NUDT5: variants seen among roughly 807,000 people sequenced by gnomAD.
NUDT5 encodes the protein nudix hydrolase 5.
NUDT5 carries 21 observed loss-of-function variants against 34.1 expected under a neutral mutation model. The ratio of observed to expected loss-of-function variants is 0.62; its 90% CI spans 0.44 to 0.89. The LOEUF is 0.89. Ranked by LOEUF, NUDT5 falls within the 40% of genes least tolerant of loss-of-function variation. The pLI is 0.00. For missense variants in NUDT5, 249 were observed against 274.8 expected, an observed-to-expected ratio of 0.91 and a Z score of 0.66; for synonymous variants, 85 against 97.6, an observed-to-expected ratio of 0.87 and a Z score of 0.76.
chr10:12,177,052 G>A (rs1834962163), intron 5 of NUDT5, among the ~76,000 whole-genome samples: 1 of 151,606 alleles, frequency 6.6e-6, no homozygotes. Flanking sequence ...AACCCAGGAG[G>A]CGGAGGTTGC....
intron 1 of NUDT5, among the ~76,000 whole-genome samples, chr10:12,191,437 A>ACC (rs1835229394): frequency 7.7e-6 from 1 of 129,210 alleles, no homozygotes; most frequent in Non-Finnish European, 1.7e-5. Context: ...CCACCACCAC[A>ACC]AAACTCCCAA....
In NUDT5 at chr10:12,179,033, A is replaced by G. The variant is rs781026077; in HGVS notation, c.181+50T>C. ...TTCCATTGAAAACCCTCTTACGATC[A>G]CAAGTGCTAACTTCCTTTCTAAAGG... On this transcript the variant is annotated intron_variant, in intron 4 of 9. Coordinates refer to ENST00000491614, the MANE Select transcript of NUDT5 (RefSeq NM_014142.4). The G allele has an allele frequency of 1.6e-5, 24 of 1,485,146 alleles. No individual in the cohort carries two copies. In the South Asian group the frequency reaches 2.5e-4, roughly 15 times the overall value. 92.0% of individuals were successfully genotyped at this position (1,485,146 alleles called of 1,614,324 possible). A position where few individuals can be genotyped will look rare whatever the true frequency, so the allele number is the denominator to read the frequency against.
intron 5 of NUDT5, among the ~76,000 whole-genome samples, chr10:12,177,518 CACAAA>C (rs1166041555): frequency 6.6e-6 from 1 of 152,186 alleles, no homozygotes; most frequent in Non-Finnish European, 1.5e-5. Flanking sequence ...GACTCCGTCT[CACAAA>C]ACAAAACAAA....
chr10:12,186,927 T>G (rs1835140431), intron 1 of NUDT5, among the ~76,000 whole-genome samples: 1 of 151,540 alleles, frequency 6.6e-6, no homozygotes, highest in Non-Finnish European at 1.5e-5. Flanking sequence ...GCGCCCAGCC[T>G]GATTTTTCTG....
chr10:12,190,767 C>A (rs561214817), intron 1 of NUDT5, among the ~76,000 whole-genome samples: 1 of 151,828 alleles, frequency 6.6e-6, no homozygotes, highest in South Asian at 2.1e-4. Flanking sequence ...TACCACCACA[C>A]CCGGCTGATT....
intron 3 of NUDT5, among the ~76,000 whole-genome samples, chr10:12,183,423 G>A (rs1835075571): frequency 6.6e-6 from 1 of 152,144 alleles, no homozygotes. Flanking sequence ...CTTATTAAGG[G>A]CTTTGCTAGT....
At position 12,173,318 on chromosome 10, in the gene NUDT5, C is replaced by T. The variant is rs1213856995; in HGVS notation, c.385+400G>A. ...ACCTCTGCCTCCTGGGTTCAATTCT[C>T]CTGCCTCAGCCTCCCGAGTAGCTGG... On this transcript the variant is annotated intron_variant, in intron 6 of 9. Transcript: ENST00000491614. This position sits in a 1 kb window ranked among gnomAD's most constrained non-coding sequence, Gnocchi z 4.7. Among the ~76,000 whole-genome samples, 3 of 152,140 alleles carry T rather than the reference C, an allele frequency of 2.0e-5. No individual in the cohort carries two copies. The highest frequency in any genetic ancestry group is 4.4e-5 in the Non-Finnish European group (3 of 68,020).
intron 1 of NUDT5, among the ~76,000 whole-genome samples, chr10:12,189,177 C>G (rs900935253): frequency 2.6e-5 from 4 of 152,176 alleles, no homozygotes; most frequent in Non-Finnish European, 4.4e-5. Context: ...ATGATCTCGG[C>G]TCACTGCAAC....
chr10:12,178,557 G>T (rs185377738), intron 4 of NUDT5, among the ~76,000 whole-genome samples: 1 of 152,164 alleles, frequency 6.6e-6, no homozygotes, highest in Non-Finnish European at 1.5e-5. Flanking sequence ...AATAAGAAAA[G>T]CCTAGTGCCC....
At chr10:12,177,127 A>G (rs1834963372) in intron 5 of NUDT5, among the ~76,000 whole-genome samples, 1 of 151,528 alleles carries the variant, frequency 6.6e-6, no homozygotes, top group African/African-American at 2.4e-5. Context: ...ATCTCAAAAA[A>G]AAAAAAAGCC....
At chr10:12,190,064 T>C (rs1291483536) in intron 1 of NUDT5, among the ~76,000 whole-genome samples, 1 of 152,180 alleles carries the variant, frequency 6.6e-6, no homozygotes, top group Non-Finnish European at 1.5e-5. Flanking sequence ...TGATTAATTT[T>C]TTGTATTTTT....
intron 5 of NUDT5, among the ~76,000 whole-genome samples, chr10:12,174,703 C>T (rs534168169): frequency 1.2e-4 from 18 of 152,364 alleles, no homozygotes; most frequent in South Asian, 4.1e-4. Flanking sequence ...ACCATCTCCA[C>T]GCTGCTCTGC....
chr10:12,189,388 GA>G (rs1191909481), intron 1 of NUDT5, among the ~76,000 whole-genome samples: 1 of 152,166 alleles, frequency 6.6e-6, no homozygotes, highest in Non-Finnish European at 1.5e-5. Context: ...TTACAGGCGT[GA>G]ACCACCGTGC....
At chr10:12,179,344 C>T (rs1192625774) in intron 3 of NUDT5, among the ~76,000 whole-genome samples, 1 of 152,166 alleles carries the variant, frequency 6.6e-6, no homozygotes, top group Admixed American at 6.5e-5. Flanking sequence ...CTCTTGCCAC[C>T]CTACACCTCA....
rs990629165 is a variant in NUDT5, at chr10:12,171,436, A to G, written c.488-528T>C. Among the ~76,000 whole-genome samples the G allele has an allele frequency of 6.6e-6, 1 of 152,164 alleles. No homozygotes were observed. The highest frequency in any genetic ancestry group is 1.5e-5 in the Non-Finnish European group (1 of 68,032). ...CATGTTATCGCATGTTTCAGCGTGTATGTGTGTTTGTGTGTATACCACACT... is the reference window on the plus strand; with the variant it reads ...CATGTTATCGCATGTTTCAGCGTGTGTGTGTGTTTGTGTGTATACCACACT... On this transcript the variant is annotated intron_variant, in intron 7 of 9. Coordinates refer to ENST00000491614, the MANE Select transcript of NUDT5 (RefSeq NM_014142.4). This position sits in a 1 kb window ranked among gnomAD's most constrained non-coding sequence, Gnocchi z 4.2.
At chr10:12,176,627 C>T (rs1997000) in intron 5 of NUDT5, among the ~76,000 whole-genome samples, 64,387 of 151,906 alleles carry the variant, frequency 0.42, 14,906 homozygotes, top group Middle Eastern at 0.56. Context: ...AAAACGTATA[C>T]CACTAATAAC....
At position 12,169,449 on chromosome 10, in the gene NUDT5, C is replaced by G; in HGVS notation, c.550+1268G>C. ...AAAAAGCCGAGAGAGGCTACAGAAC[C>G]TGTTTGATGTGATAGCTAATTATGG... On this transcript the variant is annotated intron_variant, in intron 9 of 9. Transcript: ENST00000491614. This position sits in a 1 kb window ranked among gnomAD's most constrained non-coding sequence, Gnocchi z 4.8. The G allele has an allele frequency of 2.9e-6, 2 of 680,164 alleles. No individual in the cohort carries two copies. Among genetic ancestry groups the G allele is most frequent in the Non-Finnish European group, 2.4e-6 (1 of 412,120 alleles). 42.1% of individuals were successfully genotyped at this position (680,164 alleles called of 1,614,324 possible). A position where few individuals can be genotyped will look rare whatever the true frequency, so the allele number is the denominator to read the frequency against.
At position 12,169,411 on chromosome 10, in the gene NUDT5, T is replaced by G. The variant is rs989906230; in HGVS notation, c.550+1306A>C. 1.1e-5 allele frequency: 10 copies of G among 933,166 alleles called. No homozygotes were observed. Among genetic ancestry groups the G allele is most frequent in the African/African-American group, 3.4e-5 (2 of 59,092 alleles). 57.8% of individuals were successfully genotyped at this position (933,166 alleles called of 1,614,324 possible). ...CCTCAGAGGGAGGGGCTGTTATTGT[T>G]CCTGTTTTATGAAAAAAGCCGAGAG... is the stretch of plus-strand genomic sequence containing the variant. On this transcript the variant is annotated intron_variant, in intron 9 of 9. Transcript: ENST00000491614. This position sits in a 1 kb window ranked among gnomAD's most constrained non-coding sequence, Gnocchi z 4.8.
chr10:12,174,680 A>G (rs1262229191), intron 5 of NUDT5, among the ~76,000 whole-genome samples: 2 of 152,260 alleles, frequency 1.3e-5, no homozygotes, highest in Non-Finnish European at 2.9e-5. Context: ...CAGATCCATC[A>G]TGAGCCTTCA....
Sources: gnomAD v4.1 joint callset for allele counts (sites outside exome capture counted in the v4.1 genomes callset) on GRCh38, gnomAD v4.1.1 for gene constraint, Gnocchi (gnomAD v3.1) non-coding constraint, MANE v1.5 for transcripts, NCBI Gene and HGNC (gene_info 2026-07-23, HGNC 2026-07-21) for gene names.